AGBL4: variants seen among roughly 807,000 people sequenced by gnomAD.
AGBL4 encodes the protein AGBL carboxypeptidase 4, also known as cytosolic carboxypeptidase 6.
In AGBL4, 58 loss-of-function variants were observed where a neutral mutation model predicts 66.4. The ratio of observed to expected loss-of-function variants is 0.87; its 90% CI spans 0.71 to 1.09. The LOEUF (loss-of-function observed/expected upper bound fraction) is 1.09, where lower values mean the gene tolerates loss of function less well. Among genes scored for constraint, AGBL4 ranks in the 50% least tolerant of loss-of-function variants. The pLI is 0.00. For synonymous variants in AGBL4, 234 were observed against 222.9 expected (o/e 1.05, Z -0.44); for missense variants, 579 against 631.0 (o/e 0.92, Z 0.88).
At chr1:49,594,107 T>C (rs1332746673) in intron 3 of AGBL4, among the ~76,000 whole-genome samples, 3 of 152,162 alleles carry the variant, frequency 2.0e-5, no homozygotes, top group South Asian at 2.1e-4. Flanking sequence ...TATGCAGGTT[T>C]CAAATCCTAT....
chr1:49,129,979 T>C (rs1165280859), intron 4 of AGBL4, among the ~76,000 whole-genome samples: 1 of 152,150 alleles, frequency 6.6e-6, no homozygotes, highest in East Asian at 1.9e-4. Context: ...GCACCTGTTG[T>C]TTCCTGACTT....
chr1:48,699,466 A>G (rs1412994128), intron 6 of AGBL4, among the ~76,000 whole-genome samples: 1 of 152,096 alleles, frequency 6.6e-6, no homozygotes, highest in African/African-American at 2.4e-5. Flanking sequence ...AGCCCACCTC[A>G]TGCAACCTGA....
chr1:49,999,353 C>T (rs1660583328), intron 1 of AGBL4, among the ~76,000 whole-genome samples: 1 of 148,904 alleles, frequency 6.7e-6, no homozygotes, highest in Non-Finnish European at 1.5e-5. Context: ...AAAAAAAATA[C>T]TCAGAATTAT....
At chr1:48,809,853 T>A (rs1646009986) in intron 6 of AGBL4, among the ~76,000 whole-genome samples, 1 of 152,190 alleles carries the variant, frequency 6.6e-6, no homozygotes, top group Non-Finnish European at 1.5e-5. Context: ...TGTTTCATTG[T>A]CTCAAATATT....
At chr1:50,019,356 A>G (rs1369752272) in intron 1 of AGBL4, among the ~76,000 whole-genome samples, 1 of 150,322 alleles carries the variant, frequency 6.7e-6, no homozygotes, top group Non-Finnish European at 1.5e-5. Context: ...ACAGACACCA[A>G]TTAAGATATC....
intron 3 of AGBL4, among the ~76,000 whole-genome samples, chr1:49,558,162 T>C (rs761658374): frequency 6.6e-6 from 1 of 151,972 alleles, no homozygotes; most frequent in Non-Finnish European, 1.5e-5. Flanking sequence ...GCGTGAGCCT[T>C]AGGCTTGTTG....
At chr1:49,312,090 T>C (rs1194104737) in intron 3 of AGBL4, among the ~76,000 whole-genome samples, 2 of 152,044 alleles carry the variant, frequency 1.3e-5, no homozygotes, top group Non-Finnish European at 2.9e-5. Flanking sequence ...TCTGCTATGG[T>C]TTGAATGCTT....
intron 4 of AGBL4, among the ~76,000 whole-genome samples, chr1:49,231,682 CT>C (rs916866158): frequency 2.0e-5 from 3 of 152,188 alleles, no homozygotes; most frequent in African/African-American, 7.2e-5. Context: ...CCACATTCAC[CT>C]CACACACACA....
At chr1:49,110,408 T>G (rs1645383137) in intron 4 of AGBL4, among the ~76,000 whole-genome samples, 1 of 152,290 alleles carries the variant, frequency 6.6e-6, no homozygotes, top group Admixed American at 6.5e-5. Flanking sequence ...GTTTCTCATT[T>G]TTTTCTCTAA....
chr1:49,995,643 T>C (rs1660311943), intron 1 of AGBL4: 1 of 207,352 alleles, frequency 4.8e-6, no homozygotes, highest in Non-Finnish European at 9.9e-6. Context: ...CAAATACTTA[T>C]CCAAGCAACC....
intron 2 of AGBL4, among the ~76,000 whole-genome samples, chr1:49,732,546 A>C (rs1326102296): frequency 6.6e-6 from 1 of 152,204 alleles, no homozygotes; most frequent in African/African-American, 2.4e-5. Context: ...ATAAATACTA[A>C]TGAACAATTA....
chr1:49,179,021 C>T (rs1646880779), intron 4 of AGBL4, among the ~76,000 whole-genome samples: 1 of 152,190 alleles, frequency 6.6e-6, no homozygotes, highest in African/African-American at 2.4e-5. Flanking sequence ...ACTATCCAGT[C>T]ATCTTATGCT....
intron 5 of AGBL4, among the ~76,000 whole-genome samples, chr1:49,021,945 C>T (rs1236306405): frequency 2.6e-5 from 4 of 152,106 alleles, no homozygotes; most frequent in African/African-American, 9.7e-5. Flanking sequence ...AGATAGACTC[C>T]CAGCCATCTG....
At chr1:49,366,749 T>A in intron 3 of AGBL4, among the ~76,000 whole-genome samples, 1 of 152,166 alleles carries the variant, frequency 6.6e-6, no homozygotes, top group African/African-American at 2.4e-5. Context: ...ATATCTAGGC[T>A]CAACTTGACC....
intron 1 of AGBL4, among the ~76,000 whole-genome samples, chr1:49,916,971 T>C (rs1180697945): frequency 1.3e-5 from 2 of 152,236 alleles, no homozygotes; most frequent in South Asian, 2.1e-4. Context: ...AGAATTTTTA[T>C]CCACCCAAAC....
At position 49,057,243 on chromosome 1, in the gene AGBL4, G is replaced by GAGAAA. The variant is rs1043367570; in HGVS notation, c.378-11448_378-11444dup. On this transcript the variant is annotated intron_variant, in intron 4 of 13. Transcript: ENST00000371839. ...TGGCAAAATCCTGTCTCTACCAAAA[G>GAGAAA]AGAAAAGAAAAGAAAAATATAAAAG... Among the ~76,000 whole-genome samples the GAGAAA allele has an allele frequency of 5.3e-5, 8 of 152,082 alleles. No individual in the cohort carries two copies. The East Asian group carries it at 1.6e-3, about 29-fold the overall frequency.
chr1:48,857,378 T>C (rs1467886403), intron 6 of AGBL4, among the ~76,000 whole-genome samples: 1 of 152,204 alleles, frequency 6.6e-6, no homozygotes, highest in East Asian at 1.9e-4. Flanking sequence ...TAACTCAAAA[T>C]GGATCTAATA....
intron 6 of AGBL4, among the ~76,000 whole-genome samples, chr1:48,702,587 T>C (rs1646819276): frequency 6.6e-6 from 1 of 152,124 alleles, no homozygotes; most frequent in African/African-American, 2.4e-5. Context: ...TGAGCCACCG[T>C]GCCTGGCCTC....
chr1:48,897,100 T>C (rs560658717), intron 5 of AGBL4, among the ~76,000 whole-genome samples: 2 of 152,362 alleles, frequency 1.3e-5, no homozygotes, highest in East Asian at 1.9e-4. Flanking sequence ...TCAGTGGTAA[T>C]AAATACACTT....
Sources: allele counts gnomAD v4.1 joint callset (sites outside exome capture counted in the v4.1 genomes callset), GRCh38; gene constraint gnomAD v4.1.1; transcripts MANE v1.5; gene names NCBI Gene and HGNC (gene_info 2026-07-23, HGNC 2026-07-21).